The following IMMT variants were observed in gnomAD, a reference collection of about 807,000 sequenced individuals.
IMMT encodes the protein inner membrane mitochondrial protein, also known as MICOS complex subunit MIC60.
In IMMT, 40 loss-of-function variants were observed where a neutral mutation model predicts 92.7. The ratio of observed to expected loss-of-function variants is 0.43; its 90% confidence interval spans 0.34 to 0.56. The LOEUF is 0.56. IMMT is among the 20% of genes least tolerant of loss of function. IMMT has a pLI of 0.03. For missense variants in IMMT, 831 were observed against 912.1 expected, an observed-to-expected ratio of 0.91 and a Z score of 1.14; for synonymous variants, 322 against 336.1, an observed-to-expected ratio of 0.96 and a Z score of 0.46.
At chr2:86,159,071 T>C (rs898682465) in intron 9 of IMMT, among the ~76,000 whole-genome samples, 1 of 151,538 alleles carries the variant, frequency 6.6e-6, no homozygotes, top group Admixed American at 6.6e-5. Flanking sequence ...ACTTGGTTGG[T>C]GTCCAAGGCA....
rs771337004 is a variant in IMMT at position 86,144,225 on chromosome 2, T to A, written c.*43A>T. 1.1e-5 allele frequency: 18 copies of A among 1,604,164 alleles called. No individual in the cohort carries two copies. The highest frequency in any genetic ancestry group is 1.5e-5 in the Non-Finnish European group (18 of 1,173,602). ...AACCCTTCATCTATCACTGCTGATT[T>A]CCTTTGACATGAAATATGACTTTAT... On this transcript the variant is annotated 3_prime_UTR_variant, in exon 15 of 15. Transcript: ENST00000410111.
rs1009105570 is a variant in IMMT at position 86,162,199 on chromosome 2, G to T, written c.793-120C>A. 4.9e-6 allele frequency: 3 copies of T among 607,618 alleles called. No homozygotes were observed. In the Admixed American group the frequency reaches 1.0e-4, roughly 21 times the overall value. The allele number at this position is 607,618 out of a possible 1,614,324, so 37.6% of individuals were successfully genotyped here. On this transcript the variant is annotated intron_variant, in intron 7 of 14. Transcript: ENST00000410111. ...TCAAAGGTAAAAATTTATATGCAAT[G>T]TTTCTCCAGAGTAAGAACTCTTAAT...
intron 1 of IMMT, among the ~76,000 whole-genome samples, chr2:86,186,151 A>T (rs973056336): frequency 2.0e-5 from 3 of 152,204 alleles, no homozygotes; most frequent in African/African-American, 7.2e-5. Context: ...GCTATACCCT[A>T]GGGACCACAT....
intron 10 of IMMT, among the ~76,000 whole-genome samples, chr2:86,156,203 A>G (rs1675843807): frequency 6.6e-6 from 1 of 152,140 alleles, no homozygotes; most frequent in Non-Finnish European, 1.5e-5. Flanking sequence ...AGCTCCCTAC[A>G]GTTGCGGCAA....
chr2:86,180,390 C>T (rs1407042100), intron 2 of IMMT, among the ~76,000 whole-genome samples: 1 of 151,740 alleles, frequency 6.6e-6, no homozygotes, highest in African/African-American at 2.4e-5. Flanking sequence ...CTCAGCCTCC[C>T]GAGTAGCTGG....
At chr2:86,157,528 G>C (rs1445659829) in intron 10 of IMMT, among the ~76,000 whole-genome samples, 1 of 152,122 alleles carries the variant, frequency 6.6e-6, no homozygotes, top group African/African-American at 2.4e-5. Flanking sequence ...GCTCACACCT[G>C]TAATCCCAGC....
At position 86,159,568 on chromosome 2, in the gene IMMT, T is replaced by C. The variant is rs748711912; in HGVS notation, c.1000A>G (p.Met334Val). ...ITAAEGKLHN[M>V]IVDLDNVVKK... ...ACCACATTATCCAGATCAACTATCA[T>C]GTTGTGAAGTTTACCCTCTGCAGCA... is the stretch of plus-strand genomic sequence containing the variant. The change falls in exon 9 of 15, where the codon ATG (methionine) becomes GTG (valine). Residue 334 changes from methionine (M) to valine (V), a missense_variant. Physicochemically the swap from Met to Val is conservative, Grantham distance 21. Coordinates refer to ENST00000410111, the MANE Select transcript of IMMT (RefSeq NM_006839.3). 2 of 1,609,830 alleles carry C rather than the reference T, an allele frequency of 1.2e-6. No individual in the cohort carries two copies. The highest frequency in any genetic ancestry group is 1.7e-6 in the Non-Finnish European group (2 of 1,177,248).
chr2:86,169,186 G>A (rs1176283181), intron 6 of IMMT, among the ~76,000 whole-genome samples: 2 of 152,078 alleles, frequency 1.3e-5, no homozygotes, highest in African/African-American at 2.4e-5. Context: ...AAGAACAGCT[G>A]GAACAGCAGA....
At chr2:86,164,018 A>G (rs575811784) in intron 7 of IMMT, among the ~76,000 whole-genome samples, 22 of 148,088 alleles carry the variant, frequency 1.5e-4, no homozygotes, top group Non-Finnish European at 2.7e-4. Flanking sequence ...TGCGAAAAAT[A>G]AAGTTGATGT....
intron 2 of IMMT, among the ~76,000 whole-genome samples, chr2:86,181,075 C>T (rs1672403977): frequency 6.6e-6 from 1 of 152,074 alleles, no homozygotes; most frequent in African/African-American, 2.4e-5. Flanking sequence ...GGCTATGCCT[C>T]GGATGCCATC....
intron 1 of IMMT, among the ~76,000 whole-genome samples, chr2:86,193,407 C>CA (rs11412841): frequency 0.29 from 40,109 of 137,714 alleles, 6,723 homozygotes; most frequent in East Asian, 0.48. Context: ...ACTCCGTATC[C>CA]AAAAAAAAAA....
chr2:86,153,481 C>T, intron 11 of IMMT, 79 bp downstream of exon 11: 1 of 723,580 alleles, frequency 1.4e-6, no homozygotes, highest in Non-Finnish European at 2.2e-6. Context: ...GTGTAAGAAT[C>T]ATAGGCACAA....
At chr2:86,146,724 A>G (rs943690642) in intron 13 of IMMT, among the ~76,000 whole-genome samples, 1 of 152,080 alleles carries the variant, frequency 6.6e-6, no homozygotes, top group African/African-American at 2.4e-5. Context: ...GCATACCAAG[A>G]GAAGAGAGAA....
At position 86,182,896 on chromosome 2, in the gene IMMT, CCAAA is replaced by C. The variant is rs750387970; in HGVS notation, c.46-1528_46-1525del. Among the ~76,000 whole-genome samples, 167 of 151,782 alleles carry C rather than the reference CCAAA, an allele frequency of 1.1e-3. 2 individuals are homozygous for C. The highest frequency in any genetic ancestry group is 1.7e-3 in the African/African-American group (71 of 41,434). ...AAAACAAAAACAAAAACAAAAAATA[CCAAA>C]CAAACAAAAAAAACCCAGTATTTCA... is the stretch of plus-strand genomic sequence containing the variant. On this transcript the variant is annotated intron_variant, in intron 1 of 14. Transcript: ENST00000410111.
chr2:86,146,372 TATA>T (rs371640520), intron 13 of IMMT, among the ~76,000 whole-genome samples, 175 bp from the exon 14 acceptor site: 6,688 of 119,354 alleles, frequency 0.056, 486 homozygotes, highest in African/African-American at 0.17. Flanking sequence ...ATGTATATAA[TATA>T]TTTTTTTTTT....
In IMMT at chr2:86,166,620, G is replaced by C. The variant is rs375746081; in HGVS notation, c.680C>G (p.Ala227Gly). 3 of 1,612,342 alleles carry C rather than the reference G, an allele frequency of 1.9e-6. No homozygotes were observed. The highest frequency in any genetic ancestry group is 2.7e-5 in the African/African-American group (2 of 74,734). The change falls in exon 7 of 15, where the codon GCT (alanine) becomes GGT (glycine). Residue 227 changes from alanine (A) to glycine (G), a missense_variant. By Grantham distance (60) the Ala-to-Gly change is moderately conservative. Coordinates refer to ENST00000410111, the MANE Select transcript of IMMT (RefSeq NM_006839.3). ...IESLAKSLED[A>G]LRQTASVTLQ... The stretch of plus-strand genomic sequence containing the variant: ...AGTGACACTTGCAGTTTGCCTCAGA[G>C]CATCTTCTAAGCTCTTGGCTAGAGC...
rs781420521 is a variant in IMMT, at chr2:86,159,663, A to C, written c.905T>G (p.Leu302Ter). ...ADALLKAKEE[L>*]EKMKSVIENA... Reference sequence around the variant, plus strand: ...TTCAATCACACTTTTCATCTTCTCTAACTCTTCTCTGGAAACCAACAAAAC... The same window carrying C: ...TTCAATCACACTTTTCATCTTCTCTCACTCTTCTCTGGAAACCAACAAAAC... The change falls in exon 9 of 15, where the codon TTA (leucine) becomes TGA (stop). Residue 302 changes from leucine (L) to a stop codon, truncating the protein, a stop_gained. Coordinates refer to ENST00000410111, the MANE Select transcript of IMMT (RefSeq NM_006839.3). LOFTEE classifies it high-confidence loss of function. 3 of 1,558,892 alleles carry C rather than the reference A, an allele frequency of 1.9e-6. No homozygotes were observed. The highest frequency in any genetic ancestry group is 2.6e-6 in the Non-Finnish European group (3 of 1,161,080).
intron 4 of IMMT, among the ~76,000 whole-genome samples, chr2:86,171,862 A>ATTTTTT (rs10659146): frequency 0.02 from 2,949 of 149,910 alleles, 113 homozygotes; most frequent in African/African-American, 0.068. Flanking sequence ...ATATATATAT[A>ATTTTTT]TTTTTTGCAC....
intron 4 of IMMT, among the ~76,000 whole-genome samples, chr2:86,172,217 T>G: frequency 6.6e-6 from 1 of 151,928 alleles, no homozygotes; most frequent in African/African-American, 2.4e-5. Context: ...TGATCCTCCC[T>G]CCTCGGCCTC....
Sources: gnomAD v4.1 joint callset for allele counts (sites outside exome capture counted in the v4.1 genomes callset) on GRCh38, gnomAD v4.1.1 for gene constraint, MANE v1.5 for transcripts, NCBI Gene and HGNC (gene_info 2026-07-23, HGNC 2026-07-21) for gene names.